The following ATL3 variants were observed in gnomAD, a reference collection of about 807,000 sequenced individuals.
ATL3 encodes atlastin GTPase 3, also known as atlastin-3.
A neutral mutation model predicts 69.5 loss-of-function variants in ATL3; 49 were observed. The ratio of observed to expected loss-of-function variants is 0.71; its 90% CI spans 0.56 to 0.89. ATL3 has a LOEUF of 0.89. Ranked by LOEUF, ATL3 falls within the 40% of genes least tolerant of loss-of-function variation. ATL3 has a pLI of 0.00. For missense variants in ATL3, 606 were observed against 645.7 expected (o/e 0.94, Z 0.67); for synonymous variants, 214 against 224.1 (o/e 0.95, Z 0.40).
chr11:63,668,683 T>C (rs935042379), intron 1 of ATL3, among the ~76,000 whole-genome samples: 60 of 151,748 alleles, frequency 4.0e-4, no homozygotes, highest in Non-Finnish European at 4.4e-5. Context: ...CCAGGCTATA[T>C]CACAAGTGGA....
chr11:63,626,531 T>C lies in ATL3; in HGVS notation c.*2788A>G, dbSNP rs991070416. On this transcript the variant is annotated 3_prime_UTR_variant, in exon 13 of 13. Transcript: ENST00000398868. ...TACCATTTTTACTATAAGCAGCTCA[T>C]TGAAATTATTTTTTCAAATTATCAA... is the stretch of plus-strand genomic sequence containing the variant. 1 of 152,060 alleles carries C rather than the reference T, an allele frequency of 6.6e-6. No homozygotes were observed. Among genetic ancestry groups the C allele is most frequent in the Admixed American group, 6.5e-5 (1 of 15,276 alleles). The allele number at this position is 152,060 out of a possible 1,614,324, so 9.4% of individuals were successfully genotyped here. A position where few individuals can be genotyped will look rare whatever the true frequency, so the allele number is the denominator to read the frequency against.
At chr11:63,640,234 T>A (rs1412656911) in intron 8 of ATL3, among the ~76,000 whole-genome samples, 1 of 152,174 alleles carries the variant, frequency 6.6e-6, no homozygotes, top group Non-Finnish European at 1.5e-5. Context: ...CTCTACCTTA[T>A]CCTTTTTAAT....
At chr11:63,652,742 G>C (rs1351668149) in intron 3 of ATL3, among the ~76,000 whole-genome samples, 167 bp from the exon 4 acceptor site, 3 of 152,140 alleles carry the variant, frequency 2.0e-5, no homozygotes, top group African/African-American at 7.2e-5. Context: ...GCTTTGCTTT[G>C]ACTACAGCAC....
At chr11:63,630,004 CAT>C (rs1439335658) in intron 12 of ATL3, among the ~76,000 whole-genome samples, 1 of 152,070 alleles carries the variant, frequency 6.6e-6, no homozygotes, top group Admixed American at 6.5e-5. Context: ...CAAAACCGAA[CAT>C]TTTTCGTTAA....
At chr11:63,644,086 G>A in intron 7 of ATL3, 83 bp downstream of exon 7, 1 of 859,002 alleles carries the variant, frequency 1.2e-6, no homozygotes, top group East Asian at 2.4e-5. Flanking sequence ...TTCAATAATT[G>A]CTTTAAACAC....
At chr11:63,644,813 AG>A (rs1196737212) in intron 6 of ATL3, among the ~76,000 whole-genome samples, 2 of 152,238 alleles carry the variant, frequency 1.3e-5, no homozygotes, top group Non-Finnish European at 2.9e-5. Flanking sequence ...TAGGAACAGA[AG>A]GAAGACATTA....
chr11:63,643,332 GT>G, intron 8 of ATL3, 24 bp downstream of exon 8: 2 of 1,561,284 alleles, frequency 1.3e-6, no homozygotes, highest in Non-Finnish European at 8.7e-7. Context: ...CGAATCACAG[GT>G]TTAAAATAAC....
chr11:63,670,482 A>T (rs1036619867), intron 1 of ATL3: 1 of 152,236 alleles, frequency 6.6e-6, no homozygotes, highest in Non-Finnish European at 1.5e-5. Flanking sequence ...TTCGCAAGTG[A>T]AACGGTCATT....
chr11:63,668,925 C>G (rs902007043), intron 1 of ATL3, among the ~76,000 whole-genome samples: 3 of 149,074 alleles, frequency 2.0e-5, no homozygotes, highest in Admixed American at 1.3e-4. Context: ...CCTGGGCTCA[C>G]TCCATCCTCT....
chr11:63,658,683 T>C (rs1403373974), intron 3 of ATL3, 78 bp downstream of exon 3: 117 of 1,379,652 alleles, frequency 8.5e-5, no homozygotes, highest in Non-Finnish European at 1.1e-4. Flanking sequence ...AGGTTTTTAA[T>C]TGGGTTAACA....
rs72932260 is a variant in ATL3 at position 63,638,732 on chromosome 11, A to C, written c.851-2398T>G. On this transcript the variant is annotated intron_variant, in intron 8 of 12. Coordinates refer to ENST00000398868, the MANE Select transcript of ATL3 (RefSeq NM_015459.5). ...TCTCAAAAAACAAAACAAAACAAAA[A>C]AAAAAAAACTCAGCAGCTATTCTAG... Among the ~76,000 whole-genome samples the C allele has an allele frequency of 6.5e-3, 995 of 151,912 alleles. 3 individuals carry two copies. The highest frequency in any genetic ancestry group is 0.014 in the Middle Eastern group (4 of 294).
chr11:63,671,307 G>A lies in ATL3; in HGVS notation c.29C>T (p.Ala10Val), dbSNP rs1386857616. 1 of 1,588,134 alleles carries A rather than the reference G, an allele frequency of 6.3e-7. No individual in the cohort carries two copies. Among genetic ancestry groups the A allele is most frequent in the Non-Finnish European group, 8.6e-7 (1 of 1,169,076 alleles). The change falls in exon 1 of 13, where the codon GCT (alanine) becomes GTT (valine). Residue 10 changes from alanine (A) to valine (V), a missense_variant. Transcript: ENST00000398868. MLSPQRVAA[A>V]ASRGADDAME... The stretch of plus-strand genomic sequence containing the variant: ...CGCCTCACCTGCTCCTCTTGAGGCA[G>A]CTGCTGCCACTCGCTGAGGGGACAA...
intron 1 of ATL3, 88 bp downstream of exon 1, chr11:63,671,202 C>A (rs945853068): frequency 2.1e-6 from 3 of 1,457,594 alleles, no homozygotes; most frequent in Non-Finnish European, 2.7e-6. Context: ...GGAAGGGCGG[C>A]GGCGCGGGCG....
chr11:63,634,172 T>G, intron 10 of ATL3, among the ~76,000 whole-genome samples: 1 of 122,830 alleles, frequency 8.1e-6, no homozygotes, highest in Non-Finnish European at 1.6e-5. Flanking sequence ...CACAGCTAGA[T>G]CCTGTTTCTA....
intron 5 of ATL3, chr11:63,650,597 G>C (rs1397942496): frequency 6.6e-6 from 1 of 152,122 alleles, no homozygotes; most frequent in South Asian, 2.1e-4. Context: ...TGTGAGACAA[G>C]GTGAATTACA....
At chr11:63,632,556 T>C (rs1350702996) in intron 11 of ATL3, 2 of 855,038 alleles carry the variant, frequency 2.3e-6, no homozygotes, top group Non-Finnish European at 4.1e-6. Flanking sequence ...CAGTGGGTCA[T>C]GTTTGGTTAG....
chr11:63,671,273 G>C lies in ATL3; in HGVS notation c.46+17C>G, dbSNP rs1327852754. 6 of 1,577,494 alleles carry C rather than the reference G, an allele frequency of 3.8e-6. No individual in the cohort carries two copies. The highest frequency in any genetic ancestry group is 5.2e-6 in the Non-Finnish European group (6 of 1,164,440). On this transcript the variant is annotated intron_variant, in intron 1 of 12. Coordinates refer to ENST00000398868, the MANE Select transcript of ATL3 (RefSeq NM_015459.5). ...GGGGGTGGCCGCGGGGCGATCCAGG[G>C]AAAATCGGCGCCTCACCTGCTCCTC...
In ATL3 at chr11:63,643,468, G is replaced by C; in HGVS notation, c.739C>G (p.Gln247Glu). 1.9e-6 allele frequency: 3 copies of C among 1,612,028 alleles called. No individual in the cohort carries two copies. Among genetic ancestry groups the C allele is most frequent in the African/African-American group, 1.3e-5 (1 of 74,974 alleles). The change falls in exon 8 of 13, where the codon CAG becomes GAG. Residue 247 changes from glutamine to glutamate, a missense_variant. Transcript: ENST00000398868. ...GAGTGAATGTGATTTCGAACATTCT[G>C]AATTTCTTCATGTTGATGTTCCTTC... ...QVKEHQHEEI[Q>E]NVRNHIHSCF...
At chr11:63,666,571 G>A (rs1940578301) in intron 1 of ATL3, among the ~76,000 whole-genome samples, 1 of 151,844 alleles carries the variant, frequency 6.6e-6, no homozygotes, top group African/African-American at 2.4e-5. Context: ...AGTGCTAACT[G>A]GGTGTGGTGG....
Sources: gnomAD v4.1 joint callset for allele counts (sites outside exome capture counted in the v4.1 genomes callset) on GRCh38, gnomAD v4.1.1 for gene constraint, MANE v1.5 for transcripts, NCBI Gene and HGNC (gene_info 2026-07-23, HGNC 2026-07-21) for gene names.